Variants in MRPS31 observed in about 807,000 individuals in gnomAD.
MRPS31 encodes the protein small ribosomal subunit protein mS31.
A neutral mutation model predicts 43.1 loss-of-function variants in MRPS31; 32 were observed. That is an observed-to-expected ratio of 0.74 (90% confidence interval 0.56 to 1.00). The LOEUF is 1.00. Among genes scored for constraint, MRPS31 ranks in the 50% least tolerant of loss-of-function variants. The pLI is 0.00. For missense variants in MRPS31, 437 were observed against 466.7 expected, an observed-to-expected ratio of 0.94 and a Z score of 0.59; for synonymous variants, 165 against 161.6, an observed-to-expected ratio of 1.02 and a Z score of -0.16.
chr13:40,749,350 A>G, intron 5 of MRPS31, 69 bp from the exon 6 acceptor site: 1 of 1,266,068 alleles, frequency 7.9e-7, no homozygotes, highest in Non-Finnish European at 1.1e-6. Context: ...GTTACAACCA[A>G]TCCTGAATTG....
rs1880306725 is a variant in MRPS31, at chr13:40,748,685, C to A, written c.958+453G>T. Among the ~76,000 whole-genome samples, 8 of 152,230 alleles carry A rather than the reference C, an allele frequency of 5.3e-5. 1 individual carries two copies. The highest frequency in any genetic ancestry group is 5.2e-4 in the Admixed American group (8 of 15,286). On this transcript the variant is annotated intron_variant, in intron 6 of 6. Transcript: ENST00000323563. ...CCAAAGCATACTGTTTTTACTTTCA[C>A]TGGCTCATACAAGTTCCTTGCACCT...
intron 6 of MRPS31, among the ~76,000 whole-genome samples, chr13:40,734,770 T>C (rs1028824269): frequency 6.6e-6 from 1 of 152,094 alleles, no homozygotes; most frequent in African/African-American, 2.4e-5. Flanking sequence ...GTGGTGTGCC[T>C]GTGGTCCTCT....
At chr13:40,763,516 A>T (rs1290594428) in intron 2 of MRPS31, among the ~76,000 whole-genome samples, 1 of 152,156 alleles carries the variant, frequency 6.6e-6, no homozygotes, top group African/African-American at 2.4e-5. Flanking sequence ...GGCCAGATGC[A>T]ATCTATGAAT....
chr13:40,750,745 TATATATATATA>T (rs1880365513), intron 5 of MRPS31, among the ~76,000 whole-genome samples: 1 of 19,794 alleles, frequency 5.1e-5, no homozygotes, highest in African/African-American at 1.2e-4. Flanking sequence ...TCCCATTTTA[TATATATATATA>T]TATATATATA....
At position 40,750,745 on chromosome 13, in the gene MRPS31, TA is replaced by T. The variant is rs1168010981; in HGVS notation, c.815-1465del. Among the ~76,000 whole-genome samples the T allele has an allele frequency of 1.2e-3, 24 of 19,796 alleles. No homozygotes were observed. The South Asian group carries it at 0.02, about 16-fold the overall frequency. The allele number at this position is 19,796 out of a possible 152,430, so 13.0% of individuals were successfully genotyped here. On this transcript the variant is annotated intron_variant, in intron 5 of 6. Transcript: ENST00000323563. Reference sequence around the variant, plus strand: ...ATGCTTGCATTAGTATCCCATTTTATATATATATATATATATATATATATAT... The same window carrying T: ...ATGCTTGCATTAGTATCCCATTTTATTATATATATATATATATATATATAT...
chr13:40,764,964 TACAA>T (rs1475614039), intron 2 of MRPS31, among the ~76,000 whole-genome samples: 25 of 152,278 alleles, frequency 1.6e-4, no homozygotes, highest in East Asian at 1.2e-3. Context: ...CAATATTTAA[TACAA>T]ACAAAGAAAA....
intron 6 of MRPS31, among the ~76,000 whole-genome samples, chr13:40,743,007 G>A (rs929356024): frequency 1.3e-4 from 19 of 151,972 alleles, no homozygotes; most frequent in African/African-American, 2.4e-5. Flanking sequence ...AGGACTTCAC[G>A]ACAAAGTCAA....
chr13:40,739,727 G>A (rs1392466625), intron 6 of MRPS31, among the ~76,000 whole-genome samples: 3 of 150,962 alleles, frequency 2.0e-5, no homozygotes, highest in Non-Finnish European at 4.4e-5. Flanking sequence ...GGGAAAACGG[G>A]CTAGCCATAT....
At chr13:40,757,200 A>G (rs1880553984) in intron 3 of MRPS31, among the ~76,000 whole-genome samples, 187 bp from the exon 4 acceptor site, 1 of 152,196 alleles carries the variant, frequency 6.6e-6, no homozygotes, top group South Asian at 2.1e-4. Context: ...ATTACAATTT[A>G]TGTTTACTTT....
intron 6 of MRPS31, among the ~76,000 whole-genome samples, chr13:40,747,071 T>C (rs945773933): frequency 3.3e-5 from 5 of 152,072 alleles, no homozygotes; most frequent in African/African-American, 4.8e-5. Context: ...TACTGTTTTT[T>C]TTTCTTTCTT....
intron 5 of MRPS31, among the ~76,000 whole-genome samples, chr13:40,750,948 T>C (rs1327628125): frequency 1.3e-5 from 2 of 152,014 alleles, no homozygotes; most frequent in African/African-American, 2.4e-5. Context: ...ATAGATTGCA[T>C]ATGACCTATC....
At chr13:40,743,178 G>A (rs1316663583) in intron 6 of MRPS31, among the ~76,000 whole-genome samples, 1 of 152,090 alleles carries the variant, frequency 6.6e-6, no homozygotes, top group African/African-American at 2.4e-5. Context: ...AGCTGGGCAT[G>A]GTGGCAGGCG....
intron 2 of MRPS31, among the ~76,000 whole-genome samples, chr13:40,760,691 G>A (rs1238177368): frequency 6.9e-6 from 1 of 145,916 alleles, no homozygotes; most frequent in African/African-American, 2.6e-5. Context: ...TGGCTTCAAA[G>A]TCCTGGGTTC....
intron 6 of MRPS31, among the ~76,000 whole-genome samples, chr13:40,733,925 C>T (rs1171539491): frequency 1.5e-5 from 2 of 134,558 alleles, no homozygotes; most frequent in Non-Finnish European, 3.1e-5. Context: ...TGCCACTGCA[C>T]TCTAGCCTGG....
intron 2 of MRPS31, among the ~76,000 whole-genome samples, 161 bp from the exon 3 acceptor site, chr13:40,759,267 T>C (rs1314280477): frequency 6.6e-6 from 1 of 152,122 alleles, no homozygotes; most frequent in African/African-American, 2.4e-5. Flanking sequence ...TGAAACCCCA[T>C]TTCTACTAAA....
rs144912290 is a variant in MRPS31 at position 40,739,055 on chromosome 13, A to G, written c.959-9454T>C. Among the ~76,000 whole-genome samples, 971 of 152,314 alleles carry G rather than the reference A, an allele frequency of 6.4e-3. 6 individuals are homozygous for G. Among genetic ancestry groups the G allele is most frequent in the African/African-American group, 0.022 (934 of 41,566 alleles). ...TAGAAAACCCCATTGTCTCAGCCCA[A>G]TATCTCCTTAAGCTGATAAGCAACT... On this transcript the variant is annotated intron_variant, in intron 6 of 6. Transcript: ENST00000323563.
At chr13:40,737,078 T>C (rs1480201101) in intron 6 of MRPS31, among the ~76,000 whole-genome samples, 1 of 151,708 alleles carries the variant, frequency 6.6e-6, no homozygotes, top group Admixed American at 6.6e-5. Flanking sequence ...AATAAAGGGA[T>C]GGAGGAAGAT....
chr13:40,747,236 G>A (rs1274998600), intron 6 of MRPS31, among the ~76,000 whole-genome samples: 1 of 152,060 alleles, frequency 6.6e-6, no homozygotes, highest in Non-Finnish European at 1.5e-5. Context: ...GAGCCACTGT[G>A]CCCGGCCTAA....
At position 40,771,124 on chromosome 13, in the gene MRPS31, C is replaced by A. The variant is rs771232105; in HGVS notation, c.13G>T (p.Val5Phe). MFPR[V>F]STFLPLRPLS... The stretch of plus-strand genomic sequence containing the variant: ...GGGCGAAGAGGTAGGAACGTCGAGA[C>A]TCTAGGAAACATCGCCGAGACACGA... Residue 5 changes from valine to phenylalanine, a missense_variant, in exon 1 of 7, where the codon GTC becomes TTC. Coordinates refer to ENST00000323563, the MANE Select transcript of MRPS31 (RefSeq NM_005830.4). 6.2e-7 allele frequency: 1 copy of A among 1,603,946 alleles called. No homozygotes were observed. The highest frequency in any genetic ancestry group is 8.5e-7 in the Non-Finnish European group (1 of 1,174,064).
Sources: gnomAD v4.1 joint callset for allele counts (sites outside exome capture counted in the v4.1 genomes callset) on GRCh38, gnomAD v4.1.1 for gene constraint, MANE v1.5 for transcripts, NCBI Gene and HGNC (gene_info 2026-07-23, HGNC 2026-07-21) for gene names.